Variants in JAM3 observed in about 807,000 individuals in gnomAD.
JAM3 encodes the protein junctional adhesion molecule C.
In JAM3, 31 loss-of-function variants were observed where a neutral mutation model predicts 39.4. That is an observed-to-expected ratio of 0.79 (90% confidence interval 0.59 to 1.06). JAM3 has a LOEUF of 1.06. Among genes scored for constraint, JAM3 ranks in the 50% least tolerant of loss-of-function variants. The probability of loss-of-function intolerance (pLI) is 0.00; values close to 1 mark genes in which losing one functional copy is unlikely to be tolerated. For missense variants in JAM3, 455 were observed against 391.4 expected (o/e 1.16, Z -1.37); for synonymous variants, 182 against 148.7 (o/e 1.22, Z -1.63).
intron 1 of JAM3, among the ~76,000 whole-genome samples, chr11:134,124,794 T>C (rs1362928205): frequency 1.3e-5 from 2 of 152,150 alleles, no homozygotes; most frequent in African/African-American, 4.8e-5. Flanking sequence ...TTATGGCACA[T>C]AGAACCTCTA....
chr11:134,113,910 T>G (rs1209995651), intron 1 of JAM3, among the ~76,000 whole-genome samples: 2 of 152,230 alleles, frequency 1.3e-5, no homozygotes, highest in Admixed American at 6.5e-5. Context: ...TGGTATCTCA[T>G]TGTGGTTTTG....
rs1219869576 is a variant in JAM3, at chr11:134,139,770, C to CG, written c.77-78dup. 11 of 1,062,846 alleles carry CG rather than the reference C, an allele frequency of 1.0e-5. No individual in the cohort carries two copies. The East Asian group carries it at 1.7e-4, about 16-fold the overall frequency. 65.8% of individuals were successfully genotyped at this position (1,062,846 alleles called of 1,614,324 possible). ...GGTTAGTAACCATAGCCTACGCAGA[C>CG]GGGAAAACCTGACCTCAGTGCAAGG... On this transcript the variant is annotated intron_variant, in intron 1 of 8. Coordinates refer to ENST00000299106, the MANE Select transcript of JAM3 (RefSeq NM_032801.5).
At chr11:134,094,153 A>G in intron 1 of JAM3, among the ~76,000 whole-genome samples, 1 of 147,058 alleles carries the variant, frequency 6.8e-6, no homozygotes, top group Non-Finnish European at 1.5e-5. Context: ...CTTACATGTC[A>G]CTTCCTGAGG....
intron 1 of JAM3, among the ~76,000 whole-genome samples, chr11:134,080,690 G>A (rs1010773834): frequency 2.6e-5 from 4 of 152,124 alleles, no homozygotes; most frequent in African/African-American, 7.2e-5. Flanking sequence ...GCCCAGTCTC[G>A]GGTATGTCTT....
chr11:134,128,338 G>T lies in JAM3; in HGVS notation c.77-11513G>T, dbSNP rs932088784. 4.6e-5 allele frequency among the ~76,000 whole-genome samples: 7 copies of T among 152,186 alleles called. No homozygotes were observed. The East Asian group carries it at 9.6e-4, about 21-fold the overall frequency. ...ACCTCTCTCTGAGCTGGGATTAAAT[G>T]TCATTGAACAAAATACTTAACAGCC... On this transcript the variant is annotated intron_variant, in intron 1 of 8. Coordinates refer to ENST00000299106, the MANE Select transcript of JAM3 (RefSeq NM_032801.5).
intron 1 of JAM3, among the ~76,000 whole-genome samples, chr11:134,085,049 A>G (rs920606919): frequency 6.6e-6 from 1 of 152,170 alleles, no homozygotes; most frequent in African/African-American, 2.4e-5. Context: ...ATACTCTGCC[A>G]TCTTATTTGA....
rs1270017232 is a variant in JAM3 at position 134,148,628 on chromosome 11, G to A, written c.794G>A (p.Cys265Tyr). The change falls in exon 7 of 9, where the codon TGT becomes TAT. Residue 265 changes from cysteine (C) to tyrosine (Y), a missense_variant. Transcript: ENST00000299106. ...VLALITLGIC[C>Y]AYRRGYFINN... ...GCCCTGATCACGTTGGGCATCTGCT[G>A]TGCATACAGACGTGGCTACTTCATC... The A allele has an allele frequency of 4.3e-6, 7 of 1,614,180 alleles. No homozygotes were observed. Among genetic ancestry groups the A allele is most frequent in the Non-Finnish European group, 5.9e-6 (7 of 1,180,046 alleles).
chr11:134,139,957 A>G lies in JAM3; in HGVS notation c.142+41A>G, dbSNP rs148932528. On this transcript the variant is annotated intron_variant, in intron 2 of 8. Coordinates refer to ENST00000299106, the MANE Select transcript of JAM3 (RefSeq NM_032801.5). ...ATGCCTAGGATAATGGGCACCATCTACTGGACATTTGATGTCTTGCAGCCA... is the reference window on the plus strand; with the variant it reads ...ATGCCTAGGATAATGGGCACCATCTGCTGGACATTTGATGTCTTGCAGCCA... The G allele has an allele frequency of 4.0e-5, 59 of 1,462,606 alleles. No individual in the cohort carries two copies. In the Middle Eastern group the frequency reaches 8.7e-4, roughly 22 times the overall value. The allele number at this position is 1,462,606 out of a possible 1,614,324, so 90.6% of individuals were successfully genotyped here.
intron 1 of JAM3, among the ~76,000 whole-genome samples, chr11:134,102,088 C>A (rs1366028635): frequency 3.3e-5 from 5 of 152,116 alleles, no homozygotes; most frequent in Non-Finnish European, 7.4e-5. Flanking sequence ...TTATCTCAGC[C>A]ACCTTACGAA....
intron 1 of JAM3, among the ~76,000 whole-genome samples, chr11:134,105,520 A>G (rs1268449453): frequency 2.0e-5 from 3 of 152,262 alleles, no homozygotes; most frequent in South Asian, 4.1e-4. Flanking sequence ...GGCAGGAGAA[A>G]GAAATAAAGG....
At chr11:134,144,082 G>T (rs1943024700) in intron 3 of JAM3, among the ~76,000 whole-genome samples, 159 bp from the exon 4 acceptor site, 2 of 150,620 alleles carry the variant, frequency 1.3e-5, no homozygotes, top group Non-Finnish European at 3.0e-5. Flanking sequence ...CATGGTTCCT[G>T]TCCTCAAGAG....
rs1942150869 is a variant in JAM3 at position 134,104,827 on chromosome 11, G to A, written c.77-35024G>A. 2.0e-5 allele frequency among the ~76,000 whole-genome samples: 3 copies of A among 152,180 alleles called. No individual in the cohort carries two copies. In the South Asian group the frequency reaches 6.2e-4, roughly 32 times the overall value. On this transcript the variant is annotated intron_variant, in intron 1 of 8. Coordinates refer to ENST00000299106, the MANE Select transcript of JAM3 (RefSeq NM_032801.5). ...TAGGAAGAAGTTGAATCCCTGAATA[G>A]ACCAATAACAGGCTCTGAAATTGAG...
chr11:134,124,608 C>T (rs990253141), intron 1 of JAM3, among the ~76,000 whole-genome samples: 5 of 152,188 alleles, frequency 3.3e-5, no homozygotes, highest in African/African-American at 9.7e-5. Flanking sequence ...CATAAGCAGC[C>T]TTTACTACAT....
intron 5 of JAM3, chr11:134,145,271 G>A (rs963840869): frequency 5.8e-6 from 3 of 521,444 alleles, no homozygotes; most frequent in African/African-American, 5.7e-5. Flanking sequence ...ATAATCAACT[G>A]TAAAAGTCAT....
chr11:134,148,955 AACACACACACACACAC>A (rs368934602), intron 8 of JAM3, 137 bp downstream of exon 8: 85 of 690,002 alleles, frequency 1.2e-4, no homozygotes, highest in Middle Eastern at 5.3e-4. Context: ...CCTTCACAGT[AACACACACACACACAC>A]ACACACACAC....
At chr11:134,110,618 TTGCC>T (rs1415917058) in intron 1 of JAM3, among the ~76,000 whole-genome samples, 1 of 152,070 alleles carries the variant, frequency 6.6e-6, no homozygotes, top group Non-Finnish European at 1.5e-5. Flanking sequence ...CGCTAAGTGG[TTGCC>T]TGGGGACAGG....
At chr11:134,075,712 C>A (rs1332024155) in intron 1 of JAM3, among the ~76,000 whole-genome samples, 1 of 152,166 alleles carries the variant, frequency 6.6e-6, no homozygotes, top group Non-Finnish European at 1.5e-5. Flanking sequence ...TGGGCATACA[C>A]CACCATGCCC....
chr11:134,141,554 G>A (rs1942972732), intron 3 of JAM3, among the ~76,000 whole-genome samples: 1 of 152,134 alleles, frequency 6.6e-6, no homozygotes, highest in African/African-American at 2.4e-5. Flanking sequence ...GAGGCTCTCA[G>A]GGGAGGTGCC....
At chr11:134,091,453 C>G (rs71486981) in intron 1 of JAM3, among the ~76,000 whole-genome samples, 11,669 of 151,884 alleles carry the variant, frequency 0.077, 586 homozygotes, top group Admixed American at 0.11. Context: ...GAGCCGAGAT[C>G]GTCCCACTGC....
Sources: allele counts gnomAD v4.1 joint callset (sites outside exome capture counted in the v4.1 genomes callset), GRCh38; gene constraint gnomAD v4.1.1; transcripts MANE v1.5; gene names NCBI Gene and HGNC (gene_info 2026-07-23, HGNC 2026-07-21).